Variants in ALK observed in about 807,000 individuals in gnomAD.
ALK encodes ALK receptor tyrosine kinase.
Under a neutral mutation model 163.1 loss-of-function variants are expected in ALK, and 74 were observed. The observed-to-expected ratio is 0.45, with a 90% CI of 0.38 to 0.55. ALK has a LOEUF of 0.55. Among genes scored for constraint, ALK ranks in the 20% least tolerant of loss-of-function variants. The pLI is 0.00. For synonymous variants in ALK, 960 were observed against 843.2 expected, an observed-to-expected ratio of 1.14 and a Z score of -2.40; for missense variants, 2,063 against 2,105.3, an observed-to-expected ratio of 0.98 and a Z score of 0.39.
intron 1 of ALK, among the ~76,000 whole-genome samples, chr2:29,778,267 A>G (rs773596633): frequency 1.4e-4 from 22 of 152,180 alleles, no homozygotes; most frequent in Non-Finnish European, 2.4e-4. Context: ...AATGCTGTTG[A>G]TGGCAGTGAT....
intron 3 of ALK, among the ~76,000 whole-genome samples, chr2:29,557,324 C>A (rs1262186712): frequency 6.6e-6 from 1 of 152,182 alleles, no homozygotes; most frequent in Non-Finnish European, 1.5e-5. Flanking sequence ...TTCTCAGGAA[C>A]CAAATGGTCA....
At chr2:29,599,337 A>C (rs1573489332) in intron 3 of ALK, among the ~76,000 whole-genome samples, 1 of 152,254 alleles carries the variant, frequency 6.6e-6, no homozygotes, top group Admixed American at 6.5e-5. Flanking sequence ...TAATGTTTCA[A>C]AGTCAACGAG....
chr2:29,220,884 G>A (rs754701473), intron 22 of ALK, 49 bp from the exon 23 acceptor site: 1 of 1,611,776 alleles, frequency 6.2e-7, no homozygotes, highest in East Asian at 2.2e-5. Flanking sequence ...CTGAGTCTGG[G>A]CAAATCTTAA....
rs781021461 is a variant in ALK, at chr2:29,196,822, T to C, written c.4112A>G (p.Glu1371Gly). The change falls in exon 28 of 29, where the codon GAA becomes GGA. Residue 1371 changes from glutamate to glycine, a missense_variant. By Grantham distance (98) the Glu-to-Gly change is moderately conservative (BLOSUM62 -2). Coordinates refer to ENST00000389048, the MANE Select transcript of ALK (RefSeq NM_004304.5). ...AATGATGGCAAAGTTGGGCCTGTCT[T>C]CAGGCTGATGTTGCCAGCACTGAGT... ...IMTQCWQHQP[E>G]DRPNFAIILE... The C allele has an allele frequency of 1.9e-6, 3 of 1,614,206 alleles. No homozygotes were observed. The South Asian group carries it at 3.3e-5, about 18-fold the overall frequency.
rs139123232 is a variant in ALK, at chr2:29,275,448, G to A, written c.1866C>T (p.Ile622=). ...TGATGGAGATATTGTCAAAAGCCAC[G>A]ATGGCTCTGGATCCTTGTCCCCACC... ...VAWWGQGSRA[I]VAFDNISISL... The change falls in exon 10 of 29, where the codon ATC becomes ATT. Residue 622 remains isoleucine, a synonymous_variant. Transcript: ENST00000389048. 8.7e-6 allele frequency: 14 copies of A among 1,614,000 alleles called. No homozygotes were observed. Among genetic ancestry groups the A allele is most frequent in the Middle Eastern group, 3.3e-4 (2 of 6,084 alleles).
At chr2:29,533,865 C>A (rs565033271) in intron 3 of ALK, among the ~76,000 whole-genome samples, 3 of 151,984 alleles carry the variant, frequency 2.0e-5, no homozygotes, top group Non-Finnish European at 4.4e-5. Flanking sequence ...ATGTTGGGAG[C>A]CTTCAGGAAG....
intron 1 of ALK, among the ~76,000 whole-genome samples, chr2:29,764,467 G>C (rs1294547209): frequency 2.0e-5 from 3 of 152,134 alleles, no homozygotes; most frequent in African/African-American, 7.2e-5. Context: ...CAGGAAAATA[G>C]TTCTTCAACA....
At chr2:29,491,107 T>C (rs1405840662) in intron 4 of ALK, among the ~76,000 whole-genome samples, 1 of 152,250 alleles carries the variant, frequency 6.6e-6, no homozygotes, top group African/African-American at 2.4e-5. Flanking sequence ...AACTACGCTA[T>C]AAGTCCTTAA....
At chr2:29,407,179 C>G (rs1669606173) in intron 4 of ALK, among the ~76,000 whole-genome samples, 1 of 152,230 alleles carries the variant, frequency 6.6e-6, no homozygotes. Flanking sequence ...TGATCTGAAG[C>G]AGCTCTTTAT....
At chr2:29,306,780 G>A (rs1446368432) in intron 8 of ALK, among the ~76,000 whole-genome samples, 1 of 152,152 alleles carries the variant, frequency 6.6e-6, no homozygotes, top group African/African-American at 2.4e-5. Context: ...GATCCTTCTA[G>A]ACACATCCTA....
At chr2:29,273,324 A>G (rs1277621811) in intron 11 of ALK, among the ~76,000 whole-genome samples, 1 of 152,120 alleles carries the variant, frequency 6.6e-6, no homozygotes, top group Non-Finnish European at 1.5e-5. Flanking sequence ...GCACTACCTC[A>G]GTATTGCTCT....
rs1411804642 is a variant in ALK at position 29,620,958 on chromosome 2, T to C, written c.952+73892A>G. Among the ~76,000 whole-genome samples the C allele has an allele frequency of 3.3e-5, 5 of 152,300 alleles. No individual in the cohort carries two copies. In the East Asian group the frequency reaches 9.6e-4, roughly 29 times the overall value. ...AAGAACAACATCTCAGACAAGATAA[T>C]AGCAGACTTATCTGCCTCCAGGGAG... is the stretch of plus-strand genomic sequence containing the variant. On this transcript the variant is annotated intron_variant, in intron 3 of 28. Coordinates refer to ENST00000389048, the MANE Select transcript of ALK (RefSeq NM_004304.5).
intron 3 of ALK, among the ~76,000 whole-genome samples, chr2:29,536,757 G>A (rs113836052): frequency 0.016 from 2,485 of 152,324 alleles, 74 homozygotes; most frequent in African/African-American, 0.056. Flanking sequence ...TGACCAAAAT[G>A]CTGATAGAAA....
At chr2:29,441,232 G>GTC (rs1455855683) in intron 4 of ALK, among the ~76,000 whole-genome samples, 1 of 152,242 alleles carries the variant, frequency 6.6e-6, no homozygotes, top group Non-Finnish European at 1.5e-5. Context: ...TAGAGCAGGG[G>GTC]TCTCCCTGTG....
At chr2:29,601,967 AG>A (rs1675391041) in intron 3 of ALK, among the ~76,000 whole-genome samples, 3 of 152,096 alleles carry the variant, frequency 2.0e-5, no homozygotes, top group African/African-American at 7.2e-5. Context: ...GGCGGGGGAC[AG>A]GAACTCTACC....
At chr2:29,740,210 C>T (rs1345534970) in intron 1 of ALK, among the ~76,000 whole-genome samples, 1 of 152,030 alleles carries the variant, frequency 6.6e-6, no homozygotes, top group African/African-American at 2.4e-5. Flanking sequence ...GACTATTATG[C>T]TCCACAAAGG....
At chr2:29,244,603 C>T (rs1037788451) in intron 12 of ALK, among the ~76,000 whole-genome samples, 1 of 152,188 alleles carries the variant, frequency 6.6e-6, no homozygotes, top group Non-Finnish European at 1.5e-5. Flanking sequence ...AGTGACCTCG[C>T]TCTATAGCCC....
chr2:29,615,958 T>G (rs993730418), intron 3 of ALK, among the ~76,000 whole-genome samples: 1 of 152,254 alleles, frequency 6.6e-6, no homozygotes, highest in African/African-American at 2.4e-5. Context: ...TCTCATTTAG[T>G]GTTTGGCTGC....
chr2:29,691,303 T>A (rs1048416355), intron 3 of ALK, among the ~76,000 whole-genome samples: 5 of 152,182 alleles, frequency 3.3e-5, no homozygotes, highest in African/African-American at 1.2e-4. Context: ...GACCACTCCA[T>A]TAGACCCCAG....
Sources: gnomAD v4.1 joint callset for allele counts (sites outside exome capture counted in the v4.1 genomes callset) on GRCh38, gnomAD v4.1.1 for gene constraint, MANE v1.5 for transcripts, NCBI Gene and HGNC (gene_info 2026-07-23, HGNC 2026-07-21) for gene names.